MAST4: variants seen among roughly 807,000 people sequenced by gnomAD.
MAST4 encodes the protein microtubule-associated serine/threonine-protein kinase 4.
A neutral mutation model predicts 162.7 loss-of-function variants in MAST4; 89 were observed. That is an observed-to-expected ratio of 0.55 (90% CI 0.46 to 0.65). The LOEUF (loss-of-function observed/expected upper bound fraction) is 0.65. Ranked by LOEUF, MAST4 falls within the 30% of genes least tolerant of loss-of-function variation. The pLI is 0.00. For missense variants in MAST4, 3,153 were observed against 3,374.0 expected (o/e 0.93, Z 1.62); for synonymous variants, 1,479 against 1,361.1 (o/e 1.09, Z -1.91).
At chr5:67,112,011 T>C (rs1766299889) in intron 11 of MAST4, among the ~76,000 whole-genome samples, 2 of 152,044 alleles carry the variant, frequency 1.3e-5, no homozygotes, top group South Asian at 2.1e-4. Flanking sequence ...GCTCTGAGTA[T>C]TTACATTGGT....
chr5:67,165,961 G>C lies in MAST4; in HGVS notation c.6782G>C (p.Ser2261Thr). ...ACCCCAGGCTCCCAGAACAAAGCCA[G>C]CGATGGGATTGGCCAGGGAGAAGGT... is the stretch of plus-strand genomic sequence containing the variant. ...PATPGSQNKA[S>T]DGIGQGEGGP... The change falls in exon 29 of 29, where the codon AGC becomes ACC. Residue 2261 changes from serine to threonine, a missense_variant. Ser to Thr is a moderately conservative substitution (Grantham distance 58, BLOSUM62 1). Coordinates refer to ENST00000403625, the MANE Select transcript of MAST4 (RefSeq NM_001164664.2). 6.2e-7 allele frequency: 1 copy of C among 1,613,470 alleles called. No homozygotes were observed. Among genetic ancestry groups the C allele is most frequent in the Non-Finnish European group, 8.5e-7 (1 of 1,179,826 alleles).
chr5:66,928,957 C>T (rs778526302), intron 4 of MAST4, among the ~76,000 whole-genome samples: 34 of 152,138 alleles, frequency 2.2e-4, no homozygotes, highest in Non-Finnish European at 3.7e-4. Flanking sequence ...CATCAGCTAA[C>T]CCAAAGTCTG....
At chr5:66,873,777 C>A (rs897275370) in intron 3 of MAST4, among the ~76,000 whole-genome samples, 1 of 152,120 alleles carries the variant, frequency 6.6e-6, no homozygotes, top group East Asian at 1.9e-4. Flanking sequence ...GATATATCAC[C>A]ATGTAGTCTG....
intron 4 of MAST4, among the ~76,000 whole-genome samples, chr5:67,021,457 TA>T (rs140139943): frequency 0.02 from 3,094 of 151,610 alleles, 117 homozygotes; most frequent in African/African-American, 0.071. Flanking sequence ...GAAAATACGC[TA>T]AAAAAAAATC....
chr5:66,928,421 C>G (rs1388950218), intron 4 of MAST4, among the ~76,000 whole-genome samples: 1 of 152,198 alleles, frequency 6.6e-6, no homozygotes, highest in African/African-American at 2.4e-5. Flanking sequence ...TGCCAGTTTG[C>G]AAAGTCAGAA....
At chr5:66,609,327 G>T (rs1249561172) in intron 1 of MAST4, among the ~76,000 whole-genome samples, 1 of 151,706 alleles carries the variant, frequency 6.6e-6, no homozygotes, top group African/African-American at 2.4e-5. Context: ...CCTTAAAGTG[G>T]ACTGAAAGTC....
intron 1 of MAST4, among the ~76,000 whole-genome samples, chr5:66,624,939 T>G (rs1430133602): frequency 2.0e-5 from 3 of 152,218 alleles, no homozygotes; most frequent in Non-Finnish European, 4.4e-5. Context: ...GACCTTGGTC[T>G]TGGCAATAAT....
chr5:67,136,496 T>TC, intron 18 of MAST4, 67 bp from the exon 19 acceptor site: 3 of 1,176,274 alleles, frequency 2.6e-6, no homozygotes, highest in Non-Finnish European at 3.7e-6. Flanking sequence ...CCAGGTGATG[T>TC]CCATGTTGCT....
At chr5:66,788,601 CA>C in intron 2 of MAST4, 68 bp from the exon 3 acceptor site, 1 of 1,179,562 alleles carries the variant, frequency 8.5e-7, no homozygotes, top group Non-Finnish European at 1.2e-6. Flanking sequence ...ACCCCACCCC[CA>C]CCCCCATTGC....
chr5:67,141,482 A>G (rs748498127), intron 19 of MAST4, among the ~76,000 whole-genome samples: 19 of 152,146 alleles, frequency 1.2e-4, no homozygotes, highest in Admixed American at 2.6e-4. Flanking sequence ...ATTTCACTGA[A>G]TTATGCTTTC....
intron 4 of MAST4, among the ~76,000 whole-genome samples, chr5:67,051,551 T>C (rs1758183744): frequency 6.6e-6 from 1 of 152,156 alleles, no homozygotes; most frequent in Admixed American, 6.5e-5. Flanking sequence ...GGGAATCAGG[T>C]ACTTAGAGTA....
chr5:66,613,962 T>C lies in MAST4; in HGVS notation c.363+16944T>C, dbSNP rs112898684. Among the ~76,000 whole-genome samples the C allele has an allele frequency of 3.4e-4, 52 of 152,344 alleles. 3 individuals carry two copies. The highest frequency in any genetic ancestry group is 3.4e-3 in the Middle Eastern group (1 of 294). On this transcript the variant is annotated intron_variant, in intron 1 of 28. Transcript: ENST00000403625. ...TATGGGCCATCTGTGGCAGCGTGGC[T>C]GCTCCCAAAAGCCATGCAAATTTAT...
intron 3 of MAST4, among the ~76,000 whole-genome samples, chr5:66,839,220 A>T (rs1580602209): frequency 6.6e-6 from 1 of 152,188 alleles, no homozygotes; most frequent in African/African-American, 2.4e-5. Flanking sequence ...TGTGACTTGG[A>T]TGCTGAGAAG....
chr5:67,002,616 C>T (rs1194227017), intron 4 of MAST4, among the ~76,000 whole-genome samples: 1 of 152,160 alleles, frequency 6.6e-6, no homozygotes, highest in Non-Finnish European at 1.5e-5. Flanking sequence ...CTCTTAGCTT[C>T]TGTATACTGC....
chr5:66,788,607 C>CCAAACAAAAA, intron 2 of MAST4, 63 bp from the exon 3 acceptor site: 1 of 1,373,720 alleles, frequency 7.3e-7, no homozygotes, highest in Non-Finnish European at 1.0e-6. Context: ...CCCCCACCCC[C>CCAAACAAAAA]ATTGCAATAA....
intron 1 of MAST4, among the ~76,000 whole-genome samples, chr5:66,731,144 G>A (rs896200065): frequency 3.9e-5 from 6 of 152,152 alleles, no homozygotes; most frequent in African/African-American, 1.4e-4. Flanking sequence ...TTGTTGTTAA[G>A]AGGCATTTTG....
chr5:66,628,837 T>C (rs1333405299), intron 1 of MAST4, among the ~76,000 whole-genome samples: 1 of 152,186 alleles, frequency 6.6e-6, no homozygotes, highest in Non-Finnish European at 1.5e-5. Flanking sequence ...AGAGCTTTTC[T>C]TGGTATTGAG....
chr5:67,072,114 T>C (rs1761070025), intron 5 of MAST4, among the ~76,000 whole-genome samples: 1 of 152,228 alleles, frequency 6.6e-6, no homozygotes, highest in East Asian at 1.9e-4. Flanking sequence ...AAAGCAATTA[T>C]TTCCTTTTAT....
chr5:66,752,949 A>G (rs1474918280), intron 1 of MAST4, among the ~76,000 whole-genome samples: 8 of 151,718 alleles, frequency 5.3e-5, no homozygotes, highest in South Asian at 4.2e-4. Flanking sequence ...ATAACAAACT[A>G]TCTCTCAGAC....
Sources: gnomAD v4.1 joint callset for allele counts (sites outside exome capture counted in the v4.1 genomes callset) on GRCh38, gnomAD v4.1.1 for gene constraint, MANE v1.5 for transcripts, NCBI Gene and HGNC (gene_info 2026-07-23, HGNC 2026-07-21) for gene names.